Variants in NALF1 observed in about 807,000 individuals in gnomAD.
NALF1 encodes the protein family with sequence similarity 155 member A.
In NALF1, 3 loss-of-function variants were observed where a neutral mutation model predicts 48.4. That is an observed-to-expected ratio of 0.06 (90% CI 0.03 to 0.16). The LOEUF (loss-of-function observed/expected upper bound fraction) is 0.16, where lower values mean the gene tolerates loss of function less well. NALF1 is among the 10% of genes least tolerant of loss of function. NALF1 has a pLI of 1.00. For missense variants in NALF1, 526 were observed against 571.5 expected (o/e 0.92, Z 0.81); for synonymous variants, 262 against 245.7 (o/e 1.07, Z -0.62).
intron 1 of NALF1, among the ~76,000 whole-genome samples, chr13:107,742,502 C>A (rs1876668880): frequency 6.6e-6 from 1 of 152,106 alleles, no homozygotes; most frequent in Non-Finnish European, 1.5e-5. Context: ...AGGGGCTTTC[C>A]CCCCTTTACT....
At chr13:107,584,630 A>G (rs1878401844) in intron 1 of NALF1, among the ~76,000 whole-genome samples, 1 of 152,186 alleles carries the variant, frequency 6.6e-6, no homozygotes, top group Non-Finnish European at 1.5e-5. Context: ...AATACACTGT[A>G]ATGTTGACTA....
At chr13:107,858,154 G>C (rs1197955728) in intron 1 of NALF1, among the ~76,000 whole-genome samples, 1 of 152,108 alleles carries the variant, frequency 6.6e-6, no homozygotes, top group Non-Finnish European at 1.5e-5. Context: ...CATCCTAGTT[G>C]CCCAGGACTC....
At chr13:107,774,779 G>T (rs1388064659) in intron 1 of NALF1, among the ~76,000 whole-genome samples, 1 of 151,988 alleles carries the variant, frequency 6.6e-6, no homozygotes, top group Non-Finnish European at 1.5e-5. Context: ...TATTAAATTA[G>T]CCATGCTATG....
At chr13:107,300,179 G>A (rs1330254866) in intron 1 of NALF1, among the ~76,000 whole-genome samples, 1 of 152,154 alleles carries the variant, frequency 6.6e-6, no homozygotes, top group Non-Finnish European at 1.5e-5. Flanking sequence ...AGGACCTTGA[G>A]GTTATAGGAT....
intron 1 of NALF1, among the ~76,000 whole-genome samples, chr13:107,699,850 A>G (rs971607353): frequency 9.2e-5 from 14 of 152,162 alleles, no homozygotes; most frequent in African/African-American, 2.7e-4. Flanking sequence ...TCAACATAAA[A>G]AAATCAGTAG....
chr13:107,866,343 T>C lies in NALF1; in HGVS notation c.254A>G (p.Gln85Arg), dbSNP rs1410959454. The C allele has an allele frequency of 1.0e-5, 16 of 1,605,558 alleles. No individual in the cohort carries two copies. The East Asian group carries it at 1.1e-4, about 11-fold the overall frequency. Residue 85 changes from glutamine to arginine, a missense_variant, in exon 1 of 3, where the codon CAG (glutamine) becomes CGG (arginine). This residue lies in a region of NALF1 where 373 missense variants were observed against 355.5 expected (regional missense o/e 1.05). Coordinates refer to ENST00000375915, the MANE Select transcript of NALF1 (RefSeq NM_001080396.3). This position sits in a 1 kb window ranked among gnomAD's most constrained non-coding sequence, Gnocchi z 4.4. The part of the protein sequence containing the change: ...QQRQQQQQQQ[Q>R]QRQRQQQQQQ... The stretch of plus-strand genomic sequence containing the variant: ...CTGCTGCTGCTGCCGCTGCCTCTGC[T>C]GCTGCTGCTGCTGCTGCTGCTGCCG...
intron 1 of NALF1, among the ~76,000 whole-genome samples, chr13:107,473,817 G>C (rs990144912): frequency 1.3e-5 from 2 of 152,158 alleles, no homozygotes; most frequent in Admixed American, 1.3e-4. Context: ...ACATTCAAGG[G>C]GAAACAAAAG....
At position 107,551,004 on chromosome 13, in the gene NALF1, C is replaced by T. The variant is rs145348923; in HGVS notation, c.915+314678G>A. Among the ~76,000 whole-genome samples, 333 of 152,162 alleles carry T rather than the reference C, an allele frequency of 2.2e-3. 1 individual carries two copies. Among genetic ancestry groups the T allele is most frequent in the Middle Eastern group, 0.01 (3 of 294 alleles). ...TATAAAGTACATATACCTGTGGCCC[C>T]GTATGTGGTACCTGTAACCTGATTT... On this transcript the variant is annotated intron_variant, in intron 1 of 2. Coordinates refer to ENST00000375915, the MANE Select transcript of NALF1 (RefSeq NM_001080396.3).
intron 1 of NALF1, among the ~76,000 whole-genome samples, chr13:107,696,817 G>T (rs898681871): frequency 6.6e-6 from 1 of 151,996 alleles, no homozygotes; most frequent in Admixed American, 6.6e-5. Context: ...TTTCTAATTG[G>T]CCTGGGTTTT....
chr13:107,829,703 G>GA (rs1322331171), intron 1 of NALF1, among the ~76,000 whole-genome samples: 1 of 151,718 alleles, frequency 6.6e-6, no homozygotes, highest in Non-Finnish European at 1.5e-5. Context: ...ACTCGTGTCT[G>GA]AAAATTCTGC....
At chr13:107,843,550 G>T (rs1371832667) in intron 1 of NALF1, among the ~76,000 whole-genome samples, 1 of 152,170 alleles carries the variant, frequency 6.6e-6, no homozygotes, top group Non-Finnish European at 1.5e-5. Flanking sequence ...CAGACCTGAA[G>T]AATCAGGCTT....
Position 107,833,115 on chromosome 13 carries a change from G to A in NALF1, c.915+32567C>T, listed in dbSNP as rs1005926865. The stretch of plus-strand genomic sequence containing the variant: ...GCAGTTTTCTGTGCAGAGGGCCCTC[G>A]CTAAGTGAAGCCCTCTCAGATGGTC... On this transcript the variant is annotated intron_variant, in intron 1 of 2. Transcript: ENST00000375915. Among the ~76,000 whole-genome samples the A allele has an allele frequency of 2.6e-5, 4 of 152,158 alleles. No individual in the cohort carries two copies. In the East Asian group the frequency reaches 7.8e-4, roughly 30 times the overall value.
intron 1 of NALF1, among the ~76,000 whole-genome samples, chr13:107,301,466 T>C (rs1881835803): frequency 6.6e-6 from 1 of 152,188 alleles, no homozygotes. Flanking sequence ...AAAAGTGCTG[T>C]AAAGAGAAAC....
chr13:107,353,870 A>G (rs1882917132), intron 1 of NALF1, among the ~76,000 whole-genome samples: 1 of 152,214 alleles, frequency 6.6e-6, no homozygotes, highest in Admixed American at 6.5e-5. Context: ...ATGCATAGAT[A>G]TTTATTCCTA....
chr13:107,822,125 T>C (rs1879376824), intron 1 of NALF1, among the ~76,000 whole-genome samples: 1 of 152,102 alleles, frequency 6.6e-6, no homozygotes, highest in Non-Finnish European at 1.5e-5. Context: ...AGCTCACTTT[T>C]TACTTAATAA....
chr13:107,666,798 T>C (rs1294536693), intron 1 of NALF1, among the ~76,000 whole-genome samples: 1 of 152,076 alleles, frequency 6.6e-6, no homozygotes, highest in East Asian at 1.9e-4. Context: ...AAAGTATCAA[T>C]AATTTCACGT....
At chr13:107,447,569 T>A (rs760607695) in intron 1 of NALF1, among the ~76,000 whole-genome samples, 2 of 152,190 alleles carry the variant, frequency 1.3e-5, no homozygotes, top group Admixed American at 6.5e-5. Flanking sequence ...CTTTATGTTT[T>A]AGCTTCTTTA....
intron 1 of NALF1, among the ~76,000 whole-genome samples, chr13:107,515,720 C>T (rs571546810): frequency 2.9e-4 from 44 of 152,312 alleles, no homozygotes; most frequent in African/African-American, 1.0e-3. Flanking sequence ...CTGTACATTA[C>T]GTTTCCCACA....
At chr13:107,795,686 T>C (rs1197653995) in intron 1 of NALF1, among the ~76,000 whole-genome samples, 1 of 147,680 alleles carries the variant, frequency 6.8e-6, no homozygotes, top group East Asian at 1.9e-4. Context: ...AATAATACTA[T>C]AGTTTATATA....
Sources: allele counts gnomAD v4.1 joint callset (sites outside exome capture counted in the v4.1 genomes callset), GRCh38; gene constraint gnomAD v4.1.1; regional missense constraint gnomAD v4.1.1; non-coding constraint Gnocchi (gnomAD v3.1); transcripts MANE v1.5; gene names NCBI Gene and HGNC (gene_info 2026-07-23, HGNC 2026-07-21).